The following TMEM174 variants were observed in gnomAD, a reference collection of about 807,000 sequenced individuals.
TMEM174 encodes the protein transmembrane protein 174.
A neutral mutation model predicts 15.1 loss-of-function variants in TMEM174; 11 were observed. The observed-to-expected ratio is 0.73, with a 90% CI of 0.46 to 1.20. The LOEUF (loss-of-function observed/expected upper bound fraction) is 1.20. TMEM174 is among the 50% of genes most tolerant of loss of function. The pLI is 0.00. For synonymous variants in TMEM174, 130 were observed against 121.3 expected (o/e 1.07, Z -0.47); for missense variants, 321 against 303.6 (o/e 1.06, Z -0.43).
rs763637204 is a variant in TMEM174, at chr5:73,173,248, A to G, written c.5A>G (p.Glu2Gly). The G allele has an allele frequency of 3.3e-6, 5 of 1,531,598 alleles. No individual in the cohort carries two copies. Among genetic ancestry groups the G allele is most frequent in the Non-Finnish European group, 4.4e-6 (5 of 1,139,570 alleles). 94.9% of individuals were successfully genotyped at this position (1,531,598 alleles called of 1,614,324 possible). A position where few individuals can be genotyped will look rare whatever the true frequency, so the allele number is the denominator to read the frequency against. The stretch of plus-strand genomic sequence containing the variant: ...AGGGTGAGCCCACAAGGAGCAATGG[A>G]GCAGGGCAGCGGCCGCTTGGAGGAC... M[E>G]QGSGRLEDFP... Residue 2 changes from glutamate to glycine, a missense_variant, in exon 1 of 2, where the codon GAG becomes GGG. Transcript: ENST00000296776.
chr5:73,174,344 T>A lies in TMEM174; in HGVS notation c.*179T>A. On this transcript the variant is annotated 3_prime_UTR_variant, in exon 2 of 2. Transcript: ENST00000296776. ...AAGTGGGAGGTGCAATTTCTCAGAT[T>A]GGTAAAAATTAGGCTGGGCTGGGGA... 1.7e-6 allele frequency: 1 copy of A among 600,400 alleles called. No homozygotes were observed. Among genetic ancestry groups the A allele is most frequent in the Non-Finnish European group, 2.9e-6 (1 of 343,918 alleles). The allele number at this position is 600,400 out of a possible 1,614,324, so 37.2% of individuals were successfully genotyped here.
Position 73,174,059 on chromosome 5 carries a change from G to T in TMEM174, c.627-1G>T. On this transcript the variant is annotated splice_acceptor_variant, in intron 1 of 1. Coordinates refer to ENST00000296776, the MANE Select transcript of TMEM174 (RefSeq NM_153217.3). LOFTEE classifies it high-confidence loss of function. Reference sequence around the variant, plus strand: ...ACCTGTGTTTTCTGCTCACATTTCAGGCCCAATCCTGATGTTGACCAGCTA... The same window carrying T: ...ACCTGTGTTTTCTGCTCACATTTCATGCCCAATCCTGATGTTGACCAGCTA... 1 of 1,613,778 alleles carries T rather than the reference G, an allele frequency of 6.2e-7. No homozygotes were observed. The highest frequency in any genetic ancestry group is 2.2e-5 in the East Asian group (1 of 44,874).
At position 73,174,275 on chromosome 5, in the gene TMEM174, G is replaced by A. The variant is rs1229874614; in HGVS notation, c.*110G>A. On this transcript the variant is annotated 3_prime_UTR_variant, in exon 2 of 2. Coordinates refer to ENST00000296776, the MANE Select transcript of TMEM174 (RefSeq NM_153217.3). ...GTTGTAACCTTCAGAAGTTACAGCA[G>A]CGCCCAGGCAGCCTGACAGAGATCA... The A allele has an allele frequency of 2.0e-6, 2 of 993,686 alleles. No homozygotes were observed. Among genetic ancestry groups the A allele is most frequent in the East Asian group, 4.9e-5 (2 of 40,990 alleles). 61.6% of individuals were successfully genotyped at this position (993,686 alleles called of 1,614,324 possible).
rs781210351 is a variant in TMEM174, at chr5:73,173,470, C to T, written c.227C>T (p.Pro76Leu). 1.2e-6 allele frequency: 2 copies of T among 1,614,216 alleles called. No individual in the cohort carries two copies. The highest frequency in any genetic ancestry group is 2.2e-5 in the South Asian group (2 of 91,080). ...SHFEWTQLLG[P>L]VLLSVGVTFI... ...TTTGAATGGACCCAGCTCCTTGGGC[C>T]CGTCCTGCTGTCAGTTGGGGTGACA... is the stretch of plus-strand genomic sequence containing the variant. The change falls in exon 1 of 2, where the codon CCC becomes CTC. Residue 76 changes from proline to leucine, a missense_variant. Coordinates refer to ENST00000296776, the MANE Select transcript of TMEM174 (RefSeq NM_153217.3).
In TMEM174 at chr5:73,173,430, C is replaced by A; in HGVS notation, c.187C>A (p.Gln63Lys). The A allele has an allele frequency of 1.9e-6, 3 of 1,614,224 alleles. No individual in the cohort carries two copies. Among genetic ancestry groups the A allele is most frequent in the Non-Finnish European group, 2.5e-6 (3 of 1,180,042 alleles). ...TFTVMGWIKY[Q>K]GVSHFEWTQL... ...CACTGTCATGGGCTGGATCAAATAC[C>A]AAGGTGTCTCCCACTTTGAATGGAC... Residue 63 changes from glutamine (Q) to lysine (K), a missense_variant, in exon 1 of 2, where the codon CAA becomes AAA. By Grantham distance (53) the Gln-to-Lys change is moderately conservative. Coordinates refer to ENST00000296776, the MANE Select transcript of TMEM174 (RefSeq NM_153217.3).
Position 73,174,824 on chromosome 5 carries a change from T to C in TMEM174, c.*659T>C, listed in dbSNP as rs1192059075. ...TTACACAAAATAGACCATAATAGGA[T>C]AGCGCTGTGAATACATCCTTCCCGA... On this transcript the variant is annotated 3_prime_UTR_variant, in exon 2 of 2. Coordinates refer to ENST00000296776, the MANE Select transcript of TMEM174 (RefSeq NM_153217.3). 1.3e-5 allele frequency: 2 copies of C among 152,410 alleles called. No homozygotes were observed. Among genetic ancestry groups the C allele is most frequent in the Non-Finnish European group, 2.9e-5 (2 of 68,084 alleles). The allele number at this position is 152,410 out of a possible 1,614,324, so 9.4% of individuals were successfully genotyped here. A position where few individuals can be genotyped will look rare whatever the true frequency, so the allele number is the denominator to read the frequency against.
In TMEM174 at chr5:73,173,742, A is replaced by G. The variant is rs369089894; in HGVS notation, c.499A>G (p.Ile167Val). The change falls in exon 1 of 2, where the codon ATA becomes GTA. Residue 167 changes from isoleucine to valine, a missense_variant. Coordinates refer to ENST00000296776, the MANE Select transcript of TMEM174 (RefSeq NM_153217.3). ...LQSVVSPCGLITSGGAAAAMS... is the reference protein window; with the variant it reads ...LQSVVSPCGLVTSGGAAAAMS... ...GTCTGTGGTGAGCCCCTGCGGCCTCATAACCTCTGGAGGGGCAGCAGCCGC... is the reference window on the plus strand; with the variant it reads ...GTCTGTGGTGAGCCCCTGCGGCCTCGTAACCTCTGGAGGGGCAGCAGCCGC... 2 of 1,614,200 alleles carry G rather than the reference A, an allele frequency of 1.2e-6. No individual in the cohort carries two copies. The highest frequency in any genetic ancestry group is 8.5e-7 in the Non-Finnish European group (1 of 1,180,038).
chr5:73,174,138 T>A lies in TMEM174; in HGVS notation c.705T>A (p.Tyr235Ter), dbSNP rs201644128. 1.9e-6 allele frequency: 3 copies of A among 1,614,188 alleles called. No homozygotes were observed. Among genetic ancestry groups the A allele is most frequent in the South Asian group, 2.2e-5 (2 of 91,088 alleles). Reference protein sequence around the residue: ...EACACFSPPPYEEIYSLPR With the variant: ...EACACFSPPP Reference sequence around the variant, plus strand: ...GTGCCTGCTTCTCTCCTCCCCCTTATGAAGAAATATACTCTCTCCCTCGCT... The same window carrying A: ...GTGCCTGCTTCTCTCCTCCCCCTTAAGAAGAAATATACTCTCTCCCTCGCT... The change falls in exon 2 of 2, where the codon TAT becomes TAA. Residue 235 changes from tyrosine to a stop codon, truncating the protein, a stop_gained. Coordinates refer to ENST00000296776, the MANE Select transcript of TMEM174 (RefSeq NM_153217.3). LOFTEE classifies it high-confidence loss of function.
Position 73,174,141 on chromosome 5 carries a change from A to G in TMEM174, c.708A>G (p.Glu236=), listed in dbSNP as rs780210935. Residue 236 remains glutamate, a synonymous_variant, in exon 2 of 2, where the codon GAA becomes GAG. Coordinates refer to ENST00000296776, the MANE Select transcript of TMEM174 (RefSeq NM_153217.3). The part of the protein sequence containing the change: ...ACACFSPPPY[E]EIYSLPR ...CCTGCTTCTCTCCTCCCCCTTATGA[A>G]GAAATATACTCTCTCCCTCGCTAGA... The G allele has an allele frequency of 6.2e-7, 1 of 1,614,154 alleles. No homozygotes were observed.
Position 73,173,263 on chromosome 5 carries a change from G to A in TMEM174, c.20G>A (p.Arg7His), listed in dbSNP as rs142247362. The A allele has an allele frequency of 6.6e-4, 1,020 of 1,539,300 alleles. 3 individuals carry two copies. The Middle Eastern group carries it at 0.011, about 16-fold the overall frequency. Residue 7 changes from arginine to histidine, a missense_variant, in exon 1 of 2, where the codon CGC becomes CAC. Transcript: ENST00000296776. MEQGSG[R>H]LEDFPVNVFS... is the part of the protein sequence containing the mutation. The stretch of plus-strand genomic sequence containing the variant: ...GGAGCAATGGAGCAGGGCAGCGGCC[G>A]CTTGGAGGACTTCCCTGTCAATGTG...
Position 73,173,832 on chromosome 5 carries a change from G to C in TMEM174, c.589G>C (p.Glu197Gln). Residue 197 changes from glutamate (E) to glutamine (Q), a missense_variant, in exon 1 of 2, where the codon GAG (glutamate) becomes CAG (glutamine). By Grantham distance (29) the Glu-to-Gln change is conservative (BLOSUM62 2). Coordinates refer to ENST00000296776, the MANE Select transcript of TMEM174 (RefSeq NM_153217.3). ...AGATAACTCTGCATTTGTGGTTGAT[G>C]AGGGCTGCCTTTCTTTCACGGACGG... ...PQDNSAFVVD[E>Q]GCLSFTDGGN... 1 of 1,613,896 alleles carries C rather than the reference G, an allele frequency of 6.2e-7. No individual in the cohort carries two copies. Among genetic ancestry groups the C allele is most frequent in the Non-Finnish European group, 8.5e-7 (1 of 1,179,786 alleles).
Position 73,174,177 on chromosome 5 carries a change from A to T in TMEM174, c.*12A>T, listed in dbSNP as rs775077309. On this transcript the variant is annotated 3_prime_UTR_variant, in exon 2 of 2. Transcript: ENST00000296776. ...CTCTCCCTCGCTAGAGGCTATTCTG[A>T]TATAATAACACAATGCTCAGCTCAG... 1.2e-6 allele frequency: 2 copies of T among 1,607,950 alleles called. No individual in the cohort carries two copies. Among genetic ancestry groups the T allele is most frequent in the Non-Finnish European group, 1.7e-6 (2 of 1,174,390 alleles).
Position 73,173,531 on chromosome 5 carries a change from C to G in TMEM174, c.288C>G (p.Leu96=), listed in dbSNP as rs1745013375. ...ILIAVCKFKM[L]SCQLCKESEE... is the part of the protein sequence containing the mutation. ...TTGCTGTGTGCAAGTTCAAAATGCT[C>G]TCCTGCCAGTTGTGCAAAGAAAGTG... Residue 96 remains leucine, a synonymous_variant, in exon 1 of 2, where the codon CTC becomes CTG. Coordinates refer to ENST00000296776, the MANE Select transcript of TMEM174 (RefSeq NM_153217.3). The G allele has an allele frequency of 6.2e-7, 1 of 1,614,128 alleles. No homozygotes were observed. The highest frequency in any genetic ancestry group is 1.3e-5 in the African/African-American group (1 of 74,940).
chr5:73,173,764 C>G lies in TMEM174; in HGVS notation c.521C>G (p.Ala174Gly), dbSNP rs915343622. 10 of 1,614,044 alleles carry G rather than the reference C, an allele frequency of 6.2e-6. No homozygotes were observed. The highest frequency in any genetic ancestry group is 8.5e-6 in the Non-Finnish European group (10 of 1,180,028). ...CTCATAACCTCTGGAGGGGCAGCAG[C>G]CGCCATGTCAAGTCCTCCTCAATAC... Reference protein sequence around the residue: ...CGLITSGGAAAAMSSPPQYYT... With the variant: ...CGLITSGGAAGAMSSPPQYYT... The change falls in exon 1 of 2, where the codon GCC becomes GGC. Residue 174 changes from alanine to glycine, a missense_variant. Physicochemically the swap from Ala to Gly is moderately conservative, Grantham distance 60 (BLOSUM62 0). Transcript: ENST00000296776.
chr5:73,173,973 C>A, intron 1 of TMEM174, 87 bp from the exon 2 acceptor site: 1 of 1,603,834 alleles, frequency 6.2e-7, no homozygotes, highest in South Asian at 1.1e-5. Context: ...TGAATCTCTT[C>A]TTAGCCTGTT....
Position 73,173,815 on chromosome 5 carries a change from C to A in TMEM174, c.572C>A (p.Ser191Tyr). 1 of 1,614,154 alleles carries A rather than the reference C, an allele frequency of 6.2e-7. No individual in the cohort carries two copies. Among genetic ancestry groups the A allele is most frequent in the Admixed American group, 1.7e-5 (1 of 60,024 alleles). The change falls in exon 1 of 2, where the codon TCT (serine) becomes TAT (tyrosine). Residue 191 changes from serine to tyrosine, a missense_variant. Ser to Tyr is a moderately radical substitution (Grantham distance 144). Transcript: ENST00000296776. Reference protein sequence around the residue: ...QYYTIYPQDNSAFVVDEGCLS... With the variant: ...QYYTIYPQDNYAFVVDEGCLS... ...TACACCATCTACCCTCAAGATAACTCTGCATTTGTGGTTGATGAGGGCTGC... is the reference window on the plus strand; with the variant it reads ...TACACCATCTACCCTCAAGATAACTATGCATTTGTGGTTGATGAGGGCTGC...
chr5:73,173,611 C>T lies in TMEM174; in HGVS notation c.368C>T (p.Thr123Ile), dbSNP rs199655211. 164 of 1,614,110 alleles carry T rather than the reference C, an allele frequency of 1.0e-4. No individual in the cohort carries two copies. Among genetic ancestry groups the T allele is most frequent in the African/African-American group, 1.3e-5 (1 of 74,938 alleles). ...QTPGGPSFVF[T>I]GINQPITFHG... ...CCAGGAGGACCATCATTTGTTTTCACTGGCATCAACCAACCCATCACCTTC... is the reference window on the plus strand; with the variant it reads ...CCAGGAGGACCATCATTTGTTTTCATTGGCATCAACCAACCCATCACCTTC... The change falls in exon 1 of 2, where the codon ACT becomes ATT. Residue 123 changes from threonine to isoleucine, a missense_variant. Coordinates refer to ENST00000296776, the MANE Select transcript of TMEM174 (RefSeq NM_153217.3).
At position 73,173,238 on chromosome 5, in the gene TMEM174, G is replaced by A; in HGVS notation, c.-6G>A. The A allele has an allele frequency of 1.3e-6, 2 of 1,520,418 alleles. No individual in the cohort carries two copies. Among genetic ancestry groups the A allele is most frequent in the Non-Finnish European group, 1.8e-6 (2 of 1,135,262 alleles). 94.2% of individuals were successfully genotyped at this position (1,520,418 alleles called of 1,614,324 possible). Reference sequence around the variant, plus strand: ...TCTAAGAAGCAGGGTGAGCCCACAAGGAGCAATGGAGCAGGGCAGCGGCCG... The same window carrying A: ...TCTAAGAAGCAGGGTGAGCCCACAAAGAGCAATGGAGCAGGGCAGCGGCCG... On this transcript the variant is annotated 5_prime_UTR_variant, in exon 1 of 2. Transcript: ENST00000296776.
chr5:73,173,213 T>G lies in TMEM174; in HGVS notation c.-31T>G, dbSNP rs1327369247. ...CCTTGGTTCTCACAATCCTCTCCACTCTAAGAAGCAGGGTGAGCCCACAAG... is the reference window on the plus strand; with the variant it reads ...CCTTGGTTCTCACAATCCTCTCCACGCTAAGAAGCAGGGTGAGCCCACAAG... On this transcript the variant is annotated 5_prime_UTR_variant, in exon 1 of 2. Transcript: ENST00000296776. 6.6e-7 allele frequency: 1 copy of G among 1,517,062 alleles called. No homozygotes were observed. 94.0% of individuals were successfully genotyped at this position (1,517,062 alleles called of 1,614,324 possible). A position where few individuals can be genotyped will look rare whatever the true frequency, so the allele number is the denominator to read the frequency against.
Sources: gnomAD v4.1 joint callset for allele counts on GRCh38, gnomAD v4.1.1 for gene constraint, MANE v1.5 for transcripts, NCBI Gene and HGNC (gene_info 2026-07-23, HGNC 2026-07-21) for gene names.